PPM1L: variants seen among roughly 807,000 people sequenced by gnomAD.
The protein encoded by PPM1L is protein phosphatase 1L.
In PPM1L, 13 loss-of-function variants were observed where a neutral mutation model predicts 31.4. The observed-to-expected ratio is 0.41, with a 90% CI of 0.27 to 0.66. The LOEUF is 0.66. Among genes scored for constraint, PPM1L ranks in the 30% least tolerant of loss-of-function variants. PPM1L has a pLI of 0.29. For synonymous variants in PPM1L, 184 were observed against 175.4 expected, an observed-to-expected ratio of 1.05 and a Z score of -0.39; for missense variants, 326 against 453.7, an observed-to-expected ratio of 0.72 and a Z score of 2.56.
intron 1 of PPM1L, among the ~76,000 whole-genome samples, chr3:160,767,551 T>C (rs1715137258): frequency 6.6e-6 from 1 of 152,192 alleles, no homozygotes; most frequent in Admixed American, 6.5e-5. Context: ...TCTTAGTTTC[T>C]AAATCAAAGA....
At chr3:160,906,081 T>A (rs1459567836) in intron 1 of PPM1L, among the ~76,000 whole-genome samples, 2 of 152,082 alleles carry the variant, frequency 1.3e-5, no homozygotes, top group East Asian at 1.9e-4. Context: ...TATTATTATT[T>A]TTTTAGGAAA....
chr3:160,920,713 G>A (rs1714376591), intron 1 of PPM1L, among the ~76,000 whole-genome samples: 1 of 151,220 alleles, frequency 6.6e-6, no homozygotes, highest in African/African-American at 2.4e-5. Flanking sequence ...CCTTTTAGCA[G>A]TAGGAGGGTG....
In PPM1L at chr3:161,012,316, C is replaced by A. The variant is rs28804825; in HGVS notation, c.574+50406C>A. Among the ~76,000 whole-genome samples, 892 of 152,032 alleles carry A rather than the reference C, an allele frequency of 5.9e-3. 18 individuals are homozygous for A. Among genetic ancestry groups the A allele is most frequent in the Admixed American group, 0.048 (724 of 15,222 alleles). On this transcript the variant is annotated intron_variant, in intron 2 of 3. Coordinates refer to ENST00000498165, the MANE Select transcript of PPM1L (RefSeq NM_139245.4). ...TTTGGTTCTGTTTATATGCTGGATT[C>A]CATTTATTGATTTGCGTATGTTGAA...
chr3:160,756,789 GTA>G lies in PPM1L; in HGVS notation c.399+85_399+86del, dbSNP rs1553803138. 1,107 of 1,285,608 alleles carry G rather than the reference GTA, an allele frequency of 8.6e-4. 9 individuals carry two copies. In the African/African-American group the frequency reaches 0.014, roughly 17 times the overall value. 79.6% of individuals were successfully genotyped at this position (1,285,608 alleles called of 1,614,324 possible). A position where few individuals can be genotyped will look rare whatever the true frequency, so the allele number is the denominator to read the frequency against. On this transcript the variant is annotated intron_variant, in intron 1 of 3. Coordinates refer to ENST00000498165, the MANE Select transcript of PPM1L (RefSeq NM_139245.4). This position sits in a 1 kb window ranked among gnomAD's most constrained non-coding sequence, Gnocchi z 6.2. ...TGTGTGTGTGTGTGTGTGTGTGTGT[GTA>G]TAAACAACAGGACAGCGTGTGCGCA...
At chr3:160,956,698 G>GT (rs1187089675) in intron 1 of PPM1L, among the ~76,000 whole-genome samples, 1 of 152,232 alleles carries the variant, frequency 6.6e-6, no homozygotes, top group Non-Finnish European at 1.5e-5. Flanking sequence ...TTATGATTGG[G>GT]TTTGAGCTGT....
rs559903871 is a variant in PPM1L, at chr3:161,010,667, A to T, written c.574+48757A>T. ...AGTGTAAAAGTGTTCCTATTTCTCC[A>T]CATCCTCTCCAGCACCTGTTGTTTC... On this transcript the variant is annotated intron_variant, in intron 2 of 3. Coordinates refer to ENST00000498165, the MANE Select transcript of PPM1L (RefSeq NM_139245.4). Among the ~76,000 whole-genome samples, 631 of 152,282 alleles carry T rather than the reference A, an allele frequency of 4.1e-3. 4 individuals carry two copies. Among genetic ancestry groups the T allele is most frequent in the African/African-American group, 0.015 (604 of 41,548 alleles).
intron 1 of PPM1L, among the ~76,000 whole-genome samples, chr3:160,869,431 T>G (rs1420085147): frequency 1.3e-5 from 2 of 152,240 alleles, no homozygotes; most frequent in Non-Finnish European, 2.9e-5. Context: ...AAGCTCCTGG[T>G]TATTAAGGGT....
intron 1 of PPM1L, among the ~76,000 whole-genome samples, chr3:160,917,423 C>G (rs1714222204): frequency 6.6e-6 from 1 of 152,152 alleles, no homozygotes; most frequent in Non-Finnish European, 1.5e-5. Context: ...GCATTTCTGG[C>G]CTTAATTATC....
chr3:161,060,173 T>C (rs1719527194), intron 2 of PPM1L, among the ~76,000 whole-genome samples: 2 of 152,086 alleles, frequency 1.3e-5, no homozygotes, highest in Non-Finnish European at 2.9e-5. Context: ...GGAAATACAA[T>C]CCCTGTCAGA....
chr3:161,010,653 G>A lies in PPM1L; in HGVS notation c.574+48743G>A, dbSNP rs546194531. Among the ~76,000 whole-genome samples the A allele has an allele frequency of 8.5e-3, 1,293 of 152,280 alleles. 20 individuals are homozygous for A. Among genetic ancestry groups the A allele is most frequent in the African/African-American group, 0.03 (1,255 of 41,550 alleles). ...ACAGTCCCACCAACAGTGTAAAAGT[G>A]TTCCTATTTCTCCACATCCTCTCCA... On this transcript the variant is annotated intron_variant, in intron 2 of 3. Transcript: ENST00000498165.
At chr3:160,938,377 A>T (rs968214829) in intron 1 of PPM1L, among the ~76,000 whole-genome samples, 14 of 152,188 alleles carry the variant, frequency 9.2e-5, no homozygotes, top group African/African-American at 3.1e-4. Context: ...GATAATCAAT[A>T]TGCTTCTATC....
intron 2 of PPM1L, among the ~76,000 whole-genome samples, chr3:161,047,604 A>G (rs980301839): frequency 9.2e-5 from 14 of 152,178 alleles, no homozygotes; most frequent in African/African-American, 3.1e-4. Flanking sequence ...TTCATATGTA[A>G]CCAAAAAAGA....
At chr3:160,917,023 C>A (rs936824407) in intron 1 of PPM1L, among the ~76,000 whole-genome samples, 1 of 152,190 alleles carries the variant, frequency 6.6e-6, no homozygotes, top group Non-Finnish European at 1.5e-5. Context: ...GGGAAGAACA[C>A]AGGCACTACT....
At chr3:160,826,696 G>A (rs946717971) in intron 1 of PPM1L, among the ~76,000 whole-genome samples, 1 of 152,074 alleles carries the variant, frequency 6.6e-6, no homozygotes, top group Non-Finnish European at 1.5e-5. Flanking sequence ...TTATTTAAAA[G>A]TACTATCTTT....
intron 1 of PPM1L, among the ~76,000 whole-genome samples, chr3:160,915,904 T>C (rs1714158370): frequency 1.3e-5 from 2 of 152,198 alleles, no homozygotes; most frequent in East Asian, 1.9e-4. Flanking sequence ...ATACAAAAAT[T>C]AATTCAAGAT....
At chr3:160,962,704 T>A (rs1431077017) in intron 2 of PPM1L, among the ~76,000 whole-genome samples, 1 of 152,068 alleles carries the variant, frequency 6.6e-6, no homozygotes, top group Non-Finnish European at 1.5e-5. Flanking sequence ...TTTACAAGTA[T>A]TTTTTAGCAT....
chr3:160,786,187 G>GTA (rs1190262298), intron 1 of PPM1L, among the ~76,000 whole-genome samples: 1,311 of 39,402 alleles, frequency 0.033, 56 homozygotes, highest in Non-Finnish European at 0.039. Flanking sequence ...GTGTGTGTGT[G>GTA]TATATATATA....
intron 2 of PPM1L, among the ~76,000 whole-genome samples, chr3:161,052,933 G>A (rs1719316756): frequency 6.6e-6 from 1 of 152,012 alleles, no homozygotes; most frequent in Admixed American, 6.6e-5. Flanking sequence ...AAAGGCAAAT[G>A]CCCCTTGTAA....
intron 1 of PPM1L, among the ~76,000 whole-genome samples, chr3:160,825,674 AC>A (rs1448424146): frequency 6.6e-6 from 1 of 152,164 alleles, no homozygotes; most frequent in Non-Finnish European, 1.5e-5. Context: ...ATAGAATATG[AC>A]AAGATAAGAA....
Sources: gnomAD v4.1 joint callset for allele counts (sites outside exome capture counted in the v4.1 genomes callset) on GRCh38, gnomAD v4.1.1 for gene constraint, Gnocchi (gnomAD v3.1) non-coding constraint, MANE v1.5 for transcripts, NCBI Gene and HGNC (gene_info 2026-07-23, HGNC 2026-07-21) for gene names.